The following ANO3 variants were observed in gnomAD, a reference collection of about 807,000 sequenced individuals.
The protein encoded by ANO3 is anoctamin 3, also known as anoctamin-3.
A neutral mutation model predicts 144.8 loss-of-function variants in ANO3; 99 were observed. The ratio of observed to expected loss-of-function variants is 0.68; its 90% confidence interval spans 0.58 to 0.81. ANO3 has a LOEUF of 0.81. Among genes scored for constraint, ANO3 ranks in the 30% least tolerant of loss-of-function variants. ANO3 has a pLI of 0.00. For missense variants in ANO3, 905 were observed against 1,202.2 expected (o/e 0.75, Z 3.66); for synonymous variants, 414 against 392.6 (o/e 1.05, Z -0.64).
At chr11:26,578,880 C>G (rs1851058969) in intron 14 of ANO3, among the ~76,000 whole-genome samples, 1 of 152,196 alleles carries the variant, frequency 6.6e-6, no homozygotes, top group Non-Finnish European at 1.5e-5. Context: ...TGAGACGGCT[C>G]TCTTCAACAA....
chr11:26,548,924 GT>G (rs1849857775), intron 12 of ANO3, among the ~76,000 whole-genome samples: 1 of 148,924 alleles, frequency 6.7e-6, no homozygotes. Context: ...CAGAAGAAAG[GT>G]TGTGGTTTAG....
intron 17 of ANO3, among the ~76,000 whole-genome samples, chr11:26,608,374 C>T (rs1851994778): frequency 6.6e-6 from 1 of 152,176 alleles, no homozygotes; most frequent in African/African-American, 2.4e-5. Flanking sequence ...ATTTCTCCTG[C>T]ATAGGGTGTC....
At chr11:26,396,527 A>G (rs1321640483) in intron 1 of ANO3, among the ~76,000 whole-genome samples, 1 of 152,156 alleles carries the variant, frequency 6.6e-6, no homozygotes, top group African/African-American at 2.4e-5. Flanking sequence ...CACAATAGCA[A>G]AGACTTGGAA....
intron 17 of ANO3, among the ~76,000 whole-genome samples, chr11:26,619,719 G>C (rs956145175): frequency 6.6e-6 from 1 of 152,098 alleles, no homozygotes; most frequent in Non-Finnish European, 1.5e-5. Flanking sequence ...CGCCCACTTT[G>C]GCCTCCCAAA....
At chr11:26,423,880 C>G (rs1207263553) in intron 1 of ANO3, among the ~76,000 whole-genome samples, 1 of 151,934 alleles carries the variant, frequency 6.6e-6, no homozygotes, top group African/African-American at 2.4e-5. Flanking sequence ...CTTTACAATT[C>G]AGTTCTGCCA....
At chr11:26,429,829 G>C (rs947954284) in intron 1 of ANO3, among the ~76,000 whole-genome samples, 1 of 152,174 alleles carries the variant, frequency 6.6e-6, no homozygotes, top group Non-Finnish European at 1.5e-5. Flanking sequence ...GTATCATTTA[G>C]AAAGTACCTG....
intron 1 of ANO3, among the ~76,000 whole-genome samples, chr11:26,368,615 TAGAGACAG>T (rs557278031): frequency 1.0e-3 from 151 of 151,270 alleles, no homozygotes; most frequent in African/African-American, 3.1e-3. Flanking sequence ...GATTGAGAGA[TAGAGACAG>T]AGAGACAGAG....
chr11:26,320,915 T>C (rs983349349), intron 1 of ANO3, among the ~76,000 whole-genome samples: 2 of 152,126 alleles, frequency 1.3e-5, no homozygotes, highest in Non-Finnish European at 2.9e-5. Context: ...AAACAATGCA[T>C]CTGTTTATAT....
chr11:26,600,097 T>C (rs895791403), intron 17 of ANO3, among the ~76,000 whole-genome samples: 11 of 152,156 alleles, frequency 7.2e-5, no homozygotes, highest in East Asian at 1.9e-4. Context: ...TGGAAAGATA[T>C]GGGAAAATCT....
At chr11:26,601,523 AGTG>A (rs1187295811) in intron 17 of ANO3, among the ~76,000 whole-genome samples, 1 of 131,604 alleles carries the variant, frequency 7.6e-6, no homozygotes, top group Non-Finnish European at 1.7e-5. Context: ...CATAATTTAA[AGTG>A]TATAATAAAC....
intron 1 of ANO3, among the ~76,000 whole-genome samples, chr11:26,402,610 A>G (rs551531970): frequency 6.6e-6 from 1 of 151,966 alleles, no homozygotes; most frequent in African/African-American, 2.4e-5. Context: ...ACCCAGGAAC[A>G]GAAAACTGAA....
At chr11:26,503,450 G>A (rs1156934615) in intron 4 of ANO3, among the ~76,000 whole-genome samples, 2 of 152,038 alleles carry the variant, frequency 1.3e-5, no homozygotes, top group Non-Finnish European at 1.5e-5. Flanking sequence ...TTTGTGAATG[G>A]CTGTCATATA....
intron 1 of ANO3, among the ~76,000 whole-genome samples, chr11:26,264,409 C>A (rs1411217049): frequency 6.6e-6 from 1 of 152,120 alleles, no homozygotes; most frequent in South Asian, 2.1e-4. Context: ...AGTAATACAG[C>A]AAAGGGAATA....
In ANO3 at chr11:26,206,335, T is replaced by C. The variant is rs573212614; in HGVS notation, c.154+17005T>C. On this transcript the variant is annotated intron_variant, in intron 1 of 27. Coordinates refer to the ANO3 transcript ENST00000672621. ...GTTTGAAGTACTACATGGTTATAATTATTCTTCTCAAAAAATCAGAAATCT... is the reference window on the plus strand; with the variant it reads ...GTTTGAAGTACTACATGGTTATAATCATTCTTCTCAAAAAATCAGAAATCT... Among the ~76,000 whole-genome samples, 16 of 152,308 alleles carry C rather than the reference T, an allele frequency of 1.1e-4. No individual in the cohort carries two copies. The South Asian group carries it at 3.1e-3, about 30-fold the overall frequency.
chr11:26,653,675 A>G (rs940896460), intron 24 of ANO3, among the ~76,000 whole-genome samples: 3 of 151,762 alleles, frequency 2.0e-5, no homozygotes, highest in Admixed American at 1.3e-4. Flanking sequence ...AGTCCCCAGT[A>G]CGTGCCAAGG....
chr11:26,297,967 T>G (rs1854131901), intron 1 of ANO3, among the ~76,000 whole-genome samples: 1 of 152,166 alleles, frequency 6.6e-6, no homozygotes, highest in Admixed American at 6.6e-5. Context: ...CCTTCCTAAC[T>G]GCAGGTGGTG....
chr11:26,265,477 C>T (rs1419239954), intron 1 of ANO3, among the ~76,000 whole-genome samples: 1 of 152,152 alleles, frequency 6.6e-6, no homozygotes, highest in African/African-American at 2.4e-5. Flanking sequence ...CTTGATTCAA[C>T]AAATATTGTT....
chr11:26,502,352 G>A (rs1861232215), intron 4 of ANO3, among the ~76,000 whole-genome samples: 1 of 151,990 alleles, frequency 6.6e-6, no homozygotes, highest in Non-Finnish European at 1.5e-5. Flanking sequence ...TGGCAACATT[G>A]TTATCTTCAT....
At chr11:26,341,065 T>C (rs146577632) in intron 1 of ANO3, among the ~76,000 whole-genome samples, 2,155 of 152,258 alleles carry the variant, frequency 0.014, 50 homozygotes, top group African/African-American at 0.048. Flanking sequence ...TCTTTTCTTT[T>C]CTCTCCCTTA....
Sources: allele counts gnomAD v4.1 joint callset (sites outside exome capture counted in the v4.1 genomes callset), GRCh38; gene constraint gnomAD v4.1.1; transcripts MANE v1.5; gene names NCBI Gene and HGNC (gene_info 2026-07-23, HGNC 2026-07-21).